The following ITIH4 variants were observed in gnomAD, a reference collection of about 807,000 sequenced individuals.
The protein encoded by ITIH4 is inter-alpha-trypsin inhibitor heavy chain 4.
In ITIH4, 79 loss-of-function variants were observed where a neutral mutation model predicts 111.8. That is an observed-to-expected ratio of 0.71 (90% CI 0.59 to 0.85). The LOEUF (loss-of-function observed/expected upper bound fraction) is 0.85, where lower values mean the gene tolerates loss of function less well. Ranked by LOEUF, ITIH4 falls within the 40% of genes least tolerant of loss-of-function variation. ITIH4 has a pLI of 0.00. For missense variants in ITIH4, 1,065 were observed against 1,195.8 expected (o/e 0.89, Z 1.61); for synonymous variants, 472 against 468.3 (o/e 1.01, Z -0.10).
At chr3:52,819,216 C>T in intron 17 of ITIH4, 177 bp downstream of exon 17, 5 of 674,438 alleles carry the variant, frequency 7.4e-6, no homozygotes, top group Non-Finnish European at 1.0e-5. Context: ...CACTCCCACC[C>T]CAGCCCCAGT....
Position 52,824,842 on chromosome 3 carries a change from C to G in ITIH4, c.876G>C (p.Gln292His). Residue 292 changes from glutamine (Q) to histidine (H), a missense_variant and splice_region_variant, in exon 7 of 24, where the codon CAG (glutamine) becomes CAC (histidine). Coordinates refer to ENST00000266041, the MANE Select transcript of ITIH4 (RefSeq NM_002218.5). This position sits in a 1 kb window ranked among gnomAD's most constrained non-coding sequence, Gnocchi z 4.3. ...SGSMSGRKIQQTREALIKILD... is the reference protein window; with the variant it reads ...SGSMSGRKIQHTREALIKILD... ...CCCTGCCCTGGGCCACAGGACCTAC[C>G]TGCTGGATTTTCCTGCCACTCATGG... The G allele has an allele frequency of 6.2e-7, 1 of 1,611,586 alleles. No individual in the cohort carries two copies. The highest frequency in any genetic ancestry group is 8.5e-7 in the Non-Finnish European group (1 of 1,178,148).
intron 17 of ITIH4, 169 bp from the exon 18 acceptor site, chr3:52,818,705 A>G (rs1700322935): frequency 1.6e-6 from 1 of 641,738 alleles, no homozygotes; most frequent in African/African-American, 1.8e-5. Flanking sequence ...GCTGTCAGGG[A>G]TAGGTCCAGC....
intron 20 of ITIH4, among the ~76,000 whole-genome samples, 158 bp downstream of exon 20, chr3:52,817,890 CTGTG>C (rs896961220): frequency 2.0e-5 from 3 of 152,270 alleles, no homozygotes; most frequent in Non-Finnish European, 2.9e-5. Context: ...CCCGGGGTGT[CTGTG>C]TGAGTGTGTG....
chr3:52,829,342 T>C, intron 1 of ITIH4, 63 bp from the exon 2 acceptor site: 1 of 1,518,138 alleles, frequency 6.6e-7, no homozygotes, highest in Non-Finnish European at 8.9e-7. Context: ...GGGGTGACGC[T>C]CTTCAAGAGT....
At chr3:52,830,441 C>T in intron 1 of ITIH4, 112 bp downstream of exon 1, 1 of 1,043,338 alleles carries the variant, frequency 9.6e-7, no homozygotes, top group Non-Finnish European at 1.5e-6. Context: ...TTTGCACACA[C>T]AGGGATGCAC....
chr3:52,825,085 C>T (rs1020840930), intron 6 of ITIH4, 127 bp from the exon 7 acceptor site: 2 of 602,398 alleles, frequency 3.3e-6, no homozygotes, highest in African/African-American at 3.8e-5. Context: ...CCACTGCTAA[C>T]CTCCCCAAAA....
chr3:52,819,689 T>C (rs1309953508), intron 16 of ITIH4, 65 bp downstream of exon 16: 3 of 1,589,212 alleles, frequency 1.9e-6, no homozygotes, highest in East Asian at 2.2e-5. Context: ...TGAACAATAA[T>C]GGACCTCCCT....
In ITIH4 at chr3:52,822,383, A is replaced by G. The variant is rs138646943; in HGVS notation, c.1539+1173T>C. 2.0e-5 allele frequency: 3 copies of G among 152,298 alleles called. No homozygotes were observed. The East Asian group carries it at 5.8e-4, about 29-fold the overall frequency. The allele number at this position is 152,298 out of a possible 1,614,324, so 9.4% of individuals were successfully genotyped here. A position where few individuals can be genotyped will look rare whatever the true frequency, so the allele number is the denominator to read the frequency against. On this transcript the variant is annotated intron_variant, in intron 11 of 23. Transcript: ENST00000266041. The stretch of plus-strand genomic sequence containing the variant: ...AAATCTTAGGTCTGAAGTTCAGGTC[A>G]TATTTTTCAGAATACACATTAAAAT...
In ITIH4 at chr3:52,816,894, C is replaced by T; in HGVS notation, c.2461G>A (p.Val821Met). ...CAGCCTGGGCCTTACCCGGGCATCA[C>T]TGAGAATAGCGTCTCCTTCCACTTG... ...AYKWKETLFSVMPGLKMTMDK... is the reference protein window; with the variant it reads ...AYKWKETLFSMMPGLKMTMDK... Residue 821 changes from valine (V) to methionine (M), a missense_variant, in exon 21 of 24, where the codon GTG becomes ATG. Transcript: ENST00000266041. The T allele has an allele frequency of 6.2e-7, 1 of 1,613,622 alleles. No homozygotes were observed. Among genetic ancestry groups the T allele is most frequent in the East Asian group, 2.2e-5 (1 of 44,882 alleles).
chr3:52,817,644 G>C (rs1475445383), intron 20 of ITIH4, among the ~76,000 whole-genome samples: 1 of 152,172 alleles, frequency 6.6e-6, no homozygotes, highest in Non-Finnish European at 1.5e-5. Flanking sequence ...ACACCTTCTA[G>C]GTCTCATCTT....
intron 18 of ITIH4, 59 bp downstream of exon 18, chr3:52,818,403 C>T (rs934056994): frequency 4.4e-6 from 7 of 1,575,554 alleles, no homozygotes; most frequent in Middle Eastern, 1.7e-4. Flanking sequence ...AGACATGTGA[C>T]AGGTCACTCC....
At chr3:52,817,900 GT>G (rs1700307659) in intron 20 of ITIH4, 151 bp downstream of exon 20, 3 of 713,540 alleles carry the variant, frequency 4.2e-6, no homozygotes, top group Non-Finnish European at 7.6e-6. Flanking sequence ...CTGTGTGAGT[GT>G]GTGCCCATGC....
At position 52,814,225 on chromosome 3, in the gene ITIH4, G is replaced by A. The variant is rs755848212; in HGVS notation, c.2610C>T (p.His870=). The A allele has an allele frequency of 9.3e-6, 15 of 1,613,348 alleles. No individual in the cohort carries two copies. The highest frequency in any genetic ancestry group is 1.7e-5 in the Admixed American group (1 of 59,956). Residue 870 remains histidine (H), a synonymous_variant, in exon 22 of 24, where the codon CAC becomes CAT. Coordinates refer to ENST00000266041, the MANE Select transcript of ITIH4 (RefSeq NM_002218.5). ...LLRDTDRFSS[H]VGGTLGQFYQ... ...GCTCAGTACCAAGGGTCCCTCCAAC[G>A]TGGCTGGAGAAGCGGTCAGTGTCAC...
chr3:52,819,593 C>A, intron 16 of ITIH4, 75 bp from the exon 17 acceptor site: 1 of 1,603,840 alleles, frequency 6.2e-7, no homozygotes, highest in Non-Finnish European at 8.5e-7. Flanking sequence ...TGAGATCCAC[C>A]CAGGAGTGGG....
At chr3:52,816,712 G>A (rs1007352883) in intron 21 of ITIH4, among the ~76,000 whole-genome samples, 172 bp downstream of exon 21, 1 of 152,196 alleles carries the variant, frequency 6.6e-6, no homozygotes, top group Admixed American at 6.5e-5. Context: ...CAACTCCTCA[G>A]TGCCCTCCGG....
At chr3:52,820,227 T>TGC (rs1700355168) in intron 14 of ITIH4, 64 bp downstream of exon 14, 1 of 1,606,388 alleles carries the variant, frequency 6.2e-7, no homozygotes, top group Non-Finnish European at 8.5e-7. Flanking sequence ...ACAGGGCTGG[T>TGC]GCCCTGGACC....
At chr3:52,827,050 T>A (rs765444397) in intron 3 of ITIH4, 43 bp downstream of exon 3, 1 of 1,611,918 alleles carries the variant, frequency 6.2e-7, no homozygotes, top group South Asian at 1.1e-5. Flanking sequence ...AAGGTGGCCT[T>A]TGTCTAGACC....
intron 1 of ITIH4, 38 bp from the exon 2 acceptor site, chr3:52,829,317 A>G (rs747057304): frequency 6.3e-7 from 1 of 1,577,666 alleles, no homozygotes; most frequent in Non-Finnish European, 8.7e-7. Flanking sequence ...CAGGGTTTCA[A>G]TGCCACCTCA....
rs768301211 is a variant in ITIH4, at chr3:52,818,014, C to T, written c.2296+38G>A. The stretch of plus-strand genomic sequence containing the variant: ...CTGTAGGCAGGTGGTGGGTGTGTGC[C>T]AGTGGTGTCTGGGTCTCTCTGGGTG... On this transcript the variant is annotated intron_variant, in intron 20 of 23. Coordinates refer to ENST00000266041, the MANE Select transcript of ITIH4 (RefSeq NM_002218.5). The T allele has an allele frequency of 4.0e-6, 6 of 1,484,974 alleles. No individual in the cohort carries two copies. The East Asian group carries it at 1.4e-4, about 34-fold the overall frequency. 92.0% of individuals were successfully genotyped at this position (1,484,974 alleles called of 1,614,324 possible). A position where few individuals can be genotyped will look rare whatever the true frequency, so the allele number is the denominator to read the frequency against.
Sources: gnomAD v4.1 joint callset for allele counts (sites outside exome capture counted in the v4.1 genomes callset) on GRCh38, gnomAD v4.1.1 for gene constraint, Gnocchi (gnomAD v3.1) non-coding constraint, MANE v1.5 for transcripts, NCBI Gene and HGNC (gene_info 2026-07-23, HGNC 2026-07-21) for gene names.